The following SEC23A variants were observed in gnomAD, a reference collection of about 807,000 sequenced individuals.
The protein encoded by SEC23A is protein transport protein Sec23A.
In SEC23A, 56 loss-of-function variants were observed where a neutral mutation model predicts 103.7. The ratio of observed to expected loss-of-function variants is 0.54; its 90% CI spans 0.44 to 0.67. The LOEUF (loss-of-function observed/expected upper bound fraction) is 0.67. Among genes scored for constraint, SEC23A ranks in the 30% least tolerant of loss-of-function variants. The probability of loss-of-function intolerance (pLI) is 0.00; values close to 1 mark genes in which losing one functional copy is unlikely to be tolerated. For synonymous variants in SEC23A, 281 were observed against 293.0 expected, an observed-to-expected ratio of 0.96 and a Z score of 0.42; for missense variants, 784 against 936.4, an observed-to-expected ratio of 0.84 and a Z score of 2.12.
chr14:39,061,334 G>A (rs570395477), intron 13 of SEC23A, among the ~76,000 whole-genome samples: 1 of 151,812 alleles, frequency 6.6e-6, no homozygotes, highest in South Asian at 2.1e-4. Context: ...AGCAGAAGCT[G>A]AGTAATGGCA....
At chr14:39,070,789 G>A (rs1394114787) in intron 9 of SEC23A, among the ~76,000 whole-genome samples, 1 of 152,144 alleles carries the variant, frequency 6.6e-6, no homozygotes, top group East Asian at 1.9e-4. Context: ...CACTTTGGGA[G>A]GCCATGGCAG....
chr14:39,077,245 A>AAAG (rs1887064295), intron 7 of SEC23A, among the ~76,000 whole-genome samples: 1 of 149,256 alleles, frequency 6.7e-6, no homozygotes, highest in African/African-American at 2.5e-5. Flanking sequence ...AAAAAAAAAA[A>AAAG]AAAAAAAAAA....
At chr14:39,098,231 C>T (rs1355412919) in intron 1 of SEC23A, among the ~76,000 whole-genome samples, 1 of 152,064 alleles carries the variant, frequency 6.6e-6, no homozygotes, top group African/African-American at 2.4e-5. Flanking sequence ...AGATGTCAAA[C>T]TCCACCGTAA....
intron 14 of SEC23A, among the ~76,000 whole-genome samples, chr14:39,051,191 G>A (rs536322213): frequency 9.4e-4 from 143 of 152,218 alleles, no homozygotes; most frequent in African/African-American, 3.4e-3. Flanking sequence ...ACTTACTAGA[G>A]TAACTTTAAT....
intron 14 of SEC23A, among the ~76,000 whole-genome samples, chr14:39,049,611 T>C (rs1193751273): frequency 6.6e-6 from 1 of 151,362 alleles, no homozygotes; most frequent in Non-Finnish European, 1.5e-5. Context: ...ATCCTGTCTC[T>C]ACAAAAAATT....
chr14:39,040,912 T>G (rs1194738835), intron 17 of SEC23A, 25 bp from the exon 18 acceptor site: 2 of 1,583,428 alleles, frequency 1.3e-6, no homozygotes, highest in Admixed American at 1.8e-5. Flanking sequence ...ATTAAAGAAA[T>G]TACTTTAAAT....
intron 5 of SEC23A, chr14:39,087,385 A>G (rs1003802356): frequency 1.3e-5 from 3 of 223,510 alleles, no homozygotes; most frequent in African/African-American, 7.0e-5. Flanking sequence ...GCAGGAATAC[A>G]ATGGTAAAAA....
chr14:39,098,222 G>A (rs192022186), intron 1 of SEC23A, among the ~76,000 whole-genome samples: 41 of 152,064 alleles, frequency 2.7e-4, no homozygotes, highest in African/African-American at 8.2e-4. Flanking sequence ...AGAGTTAGAA[G>A]ATGTCAAACT....
chr14:39,099,305 C>T (rs540728666), intron 1 of SEC23A, among the ~76,000 whole-genome samples: 6 of 151,924 alleles, frequency 3.9e-5, no homozygotes, highest in Non-Finnish European at 8.8e-5. Context: ...ACTACATGCG[C>T]GTGCCACCAT....
intron 4 of SEC23A, among the ~76,000 whole-genome samples, chr14:39,092,001 A>T (rs1887679958): frequency 6.6e-6 from 1 of 152,280 alleles, no homozygotes; most frequent in South Asian, 2.1e-4. Context: ...TAATTAGTAA[A>T]CCTGACTTGG....
intron 1 of SEC23A, among the ~76,000 whole-genome samples, 154 bp from the exon 2 acceptor site, chr14:39,096,293 G>A (rs992554058): frequency 6.6e-6 from 1 of 152,202 alleles, no homozygotes; most frequent in Non-Finnish European, 1.5e-5. Context: ...CACTTTGGGA[G>A]GCCGAGACAG....
chr14:39,090,076 G>A (rs1887603621), intron 5 of SEC23A, among the ~76,000 whole-genome samples: 1 of 152,128 alleles, frequency 6.6e-6, no homozygotes, highest in Non-Finnish European at 1.5e-5. Context: ...CCCCTAGTAT[G>A]TTCTCTTAGT....
chr14:39,090,895 G>C (rs1440827137), intron 5 of SEC23A: 1 of 266,270 alleles, frequency 3.8e-6, no homozygotes, highest in African/African-American at 2.3e-5. Flanking sequence ...GGCCTGATTT[G>C]TTTGCAAAGG....
chr14:39,094,729 G>A (rs1366625209), intron 2 of SEC23A, among the ~76,000 whole-genome samples: 2 of 152,006 alleles, frequency 1.3e-5, no homozygotes, highest in Admixed American at 6.6e-5. Context: ...AGAAGAATCC[G>A]GGCAGAATGC....
intron 9 of SEC23A, among the ~76,000 whole-genome samples, chr14:39,068,960 C>A (rs985665311): frequency 1.3e-5 from 2 of 152,014 alleles, no homozygotes; most frequent in African/African-American, 4.8e-5. Context: ...TGACCTTGAT[C>A]CAGAAGTCTT....
chr14:39,041,456 T>TTG (rs1555326053), intron 17 of SEC23A: 5 of 142,854 alleles, frequency 3.5e-5, no homozygotes, highest in Admixed American at 2.1e-4. Flanking sequence ...ATTACAGGTT[T>TTG]TTTTTTTTTT....
At chr14:39,066,794 C>A (rs772986399) in intron 10 of SEC23A, among the ~76,000 whole-genome samples, 1 of 152,020 alleles carries the variant, frequency 6.6e-6, no homozygotes, top group Non-Finnish European at 1.5e-5. Context: ...ACCCAGGAGG[C>A]GGAGGCTGCA....
intron 11 of SEC23A, among the ~76,000 whole-genome samples, chr14:39,063,660 C>T (rs760228568): frequency 1.3e-5 from 2 of 152,052 alleles, no homozygotes; most frequent in African/African-American, 4.8e-5. Flanking sequence ...AAGTAAATTA[C>T]AAAAGTATTA....
intron 16 of SEC23A, among the ~76,000 whole-genome samples, chr14:39,043,289 G>C (rs1885715386): frequency 6.6e-6 from 1 of 152,094 alleles, no homozygotes; most frequent in Non-Finnish European, 1.5e-5. Context: ...CTTAGGCCAT[G>C]ATGGCCTAAA....
Sources: allele counts gnomAD v4.1 joint callset (sites outside exome capture counted in the v4.1 genomes callset), GRCh38; gene constraint gnomAD v4.1.1; transcripts MANE v1.5; gene names NCBI Gene and HGNC (gene_info 2026-07-23, HGNC 2026-07-21).